Variants in GFRA1 observed in about 807,000 individuals in gnomAD.
GFRA1 encodes GDNF family receptor alpha-1.
A neutral mutation model predicts 51.6 loss-of-function variants in GFRA1; 16 were observed. The observed-to-expected ratio is 0.31, with a 90% CI of 0.21 to 0.47. GFRA1 has a LOEUF of 0.47. Among genes scored for constraint, GFRA1 ranks in the 20% least tolerant of loss-of-function variants. The probability of loss-of-function intolerance (pLI) is 1.00; values close to 1 mark genes in which losing one functional copy is unlikely to be tolerated. For synonymous variants in GFRA1, 270 were observed against 241.3 expected (o/e 1.12, Z -1.10); for missense variants, 530 against 594.3 (o/e 0.89, Z 1.13).
chr10:116,259,059 A>T (rs1383921160), intron 4 of GFRA1, among the ~76,000 whole-genome samples: 1 of 152,248 alleles, frequency 6.6e-6, no homozygotes, highest in African/African-American at 2.4e-5. Context: ...CAAAACGCGT[A>T]GTAACAGAAA....
At chr10:116,064,636 G>A in intron 10 of GFRA1, 92 bp from the exon 11 acceptor site, 1 of 1,196,488 alleles carries the variant, frequency 8.4e-7, no homozygotes, top group Non-Finnish European at 1.2e-6. Flanking sequence ...ACTCCCCACT[G>A]GCTGACCCAC....
At chr10:116,074,957 G>A (rs948306068) in intron 9 of GFRA1, among the ~76,000 whole-genome samples, 2 of 152,152 alleles carry the variant, frequency 1.3e-5, no homozygotes, top group African/African-American at 2.4e-5. Context: ...ATTCTCACAG[G>A]TTACCCAGAA....
At chr10:116,205,418 T>C (rs764077504) in intron 5 of GFRA1, among the ~76,000 whole-genome samples, 16 of 151,060 alleles carry the variant, frequency 1.1e-4, no homozygotes, top group Non-Finnish European at 1.8e-4. Context: ...CTAGTAAAAA[T>C]AAAAAAATTA....
intron 5 of GFRA1, among the ~76,000 whole-genome samples, chr10:116,165,665 TCACA>T (rs56684075): frequency 4.7e-5 from 7 of 149,444 alleles, no homozygotes; most frequent in Admixed American, 2.0e-4. Flanking sequence ...TCTCTCACTC[TCACA>T]CACACACACA....
chr10:116,072,474 C>A (rs933506872), intron 9 of GFRA1, among the ~76,000 whole-genome samples: 6 of 152,074 alleles, frequency 3.9e-5, no homozygotes, highest in Admixed American at 3.9e-4. Flanking sequence ...AAAAAGAGCA[C>A]AGGTTGGCCA....
chr10:116,160,820 C>G (rs941644434), intron 5 of GFRA1, among the ~76,000 whole-genome samples: 2 of 152,186 alleles, frequency 1.3e-5, no homozygotes, highest in Admixed American at 6.5e-5. Context: ...CATGCCACAT[C>G]CAATTCTATG....
At chr10:116,166,184 T>C (rs1302332058) in intron 5 of GFRA1, among the ~76,000 whole-genome samples, 1 of 152,210 alleles carries the variant, frequency 6.6e-6, no homozygotes, top group Non-Finnish European at 1.5e-5. Context: ...ACATTTTCTT[T>C]ATCCAGTCTA....
intron 5 of GFRA1, among the ~76,000 whole-genome samples, chr10:116,167,571 A>C (rs943101571): frequency 7.5e-6 from 1 of 132,728 alleles, no homozygotes; most frequent in Non-Finnish European, 1.7e-5. Flanking sequence ...TTGTAACCAA[A>C]GTCCTTTTTT....
intron 5 of GFRA1, among the ~76,000 whole-genome samples, chr10:116,126,263 T>G (rs953037404): frequency 7.2e-5 from 11 of 152,250 alleles, no homozygotes; most frequent in Non-Finnish European, 1.6e-4. Flanking sequence ...TCAGCTTGTA[T>G]TTTGAATAGA....
intron 9 of GFRA1, among the ~76,000 whole-genome samples, chr10:116,071,571 A>C (rs1955393534): frequency 6.6e-6 from 1 of 152,180 alleles, no homozygotes; most frequent in African/African-American, 2.4e-5. Context: ...TGGGGATCCT[A>C]GCCTTGAAGC....
chr10:116,113,819 G>GT (rs541329148), intron 6 of GFRA1, among the ~76,000 whole-genome samples: 1 of 152,178 alleles, frequency 6.6e-6, no homozygotes, highest in Non-Finnish European at 1.5e-5. Flanking sequence ...GACAGGGAGG[G>GT]TAACGACAGC....
At chr10:116,252,390 C>T (rs964274760) in intron 4 of GFRA1, among the ~76,000 whole-genome samples, 2 of 152,152 alleles carry the variant, frequency 1.3e-5, no homozygotes, top group African/African-American at 2.4e-5. Context: ...GTGGTAGGAA[C>T]AGGGCACATG....
intron 9 of GFRA1, among the ~76,000 whole-genome samples, chr10:116,069,556 T>G (rs1017796240): frequency 6.6e-6 from 1 of 152,168 alleles, no homozygotes; most frequent in African/African-American, 2.4e-5. Flanking sequence ...CTGGTGGTAA[T>G]CCCCAAGTCC....
chr10:116,165,100 C>T (rs1383954937), intron 5 of GFRA1, among the ~76,000 whole-genome samples: 1 of 152,148 alleles, frequency 6.6e-6, no homozygotes, highest in Non-Finnish European at 1.5e-5. Context: ...CTCCTAAGAG[C>T]TTTGGGTCCT....
intron 4 of GFRA1, among the ~76,000 whole-genome samples, chr10:116,244,980 G>A (rs1407856195): frequency 6.6e-6 from 1 of 152,096 alleles, no homozygotes; most frequent in Non-Finnish European, 1.5e-5. Flanking sequence ...TAAAAAGAGA[G>A]CTTAAAGAAA....
chr10:116,201,676 T>C (rs1256383227), intron 5 of GFRA1, among the ~76,000 whole-genome samples: 2 of 152,146 alleles, frequency 1.3e-5, no homozygotes, highest in African/African-American at 4.8e-5. Flanking sequence ...CCAACCAGGC[T>C]TGGGTCTCCA....
At chr10:116,271,626 C>G (rs1843946761) in intron 2 of GFRA1, among the ~76,000 whole-genome samples, 1 of 152,188 alleles carries the variant, frequency 6.6e-6, no homozygotes, top group African/African-American at 2.4e-5. Flanking sequence ...CTTTTCTCTT[C>G]CAAGTTTGCT....
At chr10:116,214,551 T>C (rs1428483361) in intron 4 of GFRA1, among the ~76,000 whole-genome samples, 1 of 152,238 alleles carries the variant, frequency 6.6e-6, no homozygotes, top group African/African-American at 2.4e-5. Context: ...CAGGACCACA[T>C]GAGATTCATT....
intron 5 of GFRA1, among the ~76,000 whole-genome samples, chr10:116,168,225 G>A (rs1270048567): frequency 6.6e-6 from 1 of 151,612 alleles, no homozygotes; most frequent in African/African-American, 2.4e-5. Flanking sequence ...CTAAGTACAA[G>A]GCACTGCTCT....
Sources: allele counts gnomAD v4.1 joint callset (sites outside exome capture counted in the v4.1 genomes callset), GRCh38; gene constraint gnomAD v4.1.1; transcripts MANE v1.5; gene names NCBI Gene and HGNC (gene_info 2026-07-23, HGNC 2026-07-21).